HGS: variants seen among roughly 807,000 people sequenced by gnomAD.
HGS encodes hepatocyte growth factor-regulated tyrosine kinase substrate.
In HGS, 63 loss-of-function variants were observed where a neutral mutation model predicts 109.7. The observed-to-expected ratio is 0.57, with a 90% CI of 0.47 to 0.71. HGS has a LOEUF of 0.71. Among genes scored for constraint, HGS ranks in the 30% least tolerant of loss-of-function variants. The pLI, the probability that HGS is intolerant of heterozygous loss-of-function variation, is 0.00. For synonymous variants in HGS, 546 were observed against 437.3 expected (o/e 1.25, Z -3.10); for missense variants, 995 against 1,068.3 (o/e 0.93, Z 0.96).
Position 81,691,298 on chromosome 17 carries a change from A to C in HGS, c.538-149A>C. On this transcript the variant is annotated intron_variant, in intron 7 of 21. Coordinates refer to ENST00000329138, the MANE Select transcript of HGS (RefSeq NM_004712.5). This position sits in a 1 kb window ranked among gnomAD's most constrained non-coding sequence, Gnocchi z 5.3. The stretch of plus-strand genomic sequence containing the variant: ...GAGCATGTCCAGGTTCCCCGGCCTT[A>C]GGGTCTTCCCAGGCACTTGTTCTGC... 6 of 934,538 alleles carry C rather than the reference A, an allele frequency of 6.4e-6. No individual in the cohort carries two copies. In the South Asian group the frequency reaches 8.9e-5, roughly 14 times the overall value. 57.9% of individuals were successfully genotyped at this position (934,538 alleles called of 1,614,324 possible).
At chr17:81,701,170 G>T in intron 21 of HGS, 39 bp downstream of exon 21, 1 of 1,548,076 alleles carries the variant, frequency 6.5e-7, no homozygotes, top group Non-Finnish European at 8.9e-7. Flanking sequence ...CACCCGCAGG[G>T]CACCCTCAGG....
chr17:81,693,736 A>G lies in HGS; in HGVS notation c.824A>G (p.Glu275Gly). Residue 275 changes from glutamate (E) to glycine (G), a missense_variant, in exon 10 of 22, where the codon GAG becomes GGG. Coordinates refer to ENST00000329138, the MANE Select transcript of HGS (RefSeq NM_004712.5). ...LALALSQSEAEEKERLRQKST... is the reference protein window; with the variant it reads ...LALALSQSEAGEKERLRQKST... ...CTGGCGCTGTCACAGTCAGAGGCGG[A>G]GGAGAAGGAGAGGCTGGTAAGCCGG... The G allele has an allele frequency of 6.4e-7, 1 of 1,553,806 alleles. No individual in the cohort carries two copies. The highest frequency in any genetic ancestry group is 8.7e-7 in the Non-Finnish European group (1 of 1,150,480).
intron 5 of HGS, among the ~76,000 whole-genome samples, 176 bp from the exon 6 acceptor site, chr17:81,690,005 AG>A (rs1598745348): frequency 6.6e-6 from 1 of 152,094 alleles, no homozygotes; most frequent in African/African-American, 2.4e-5. Context: ...CAGTGAGGAC[AG>A]AGGCCCCATG....
intron 5 of HGS, among the ~76,000 whole-genome samples, chr17:81,689,907 C>T (rs1357618492): frequency 2.0e-5 from 3 of 152,132 alleles, no homozygotes; most frequent in South Asian, 2.1e-4. Context: ...ACTCAGCAGG[C>T]GGGGCCACGC....
intron 1 of HGS, chr17:81,684,349 C>T (rs2036935564): frequency 5.6e-6 from 2 of 354,794 alleles, no homozygotes; most frequent in South Asian, 1.4e-4. Flanking sequence ...CAGGGGCGCT[C>T]GGCGACCTCG....
chr17:81,696,361 C>G lies in HGS; in HGVS notation c.1398C>G (p.Tyr466Ter). 1 of 1,581,534 alleles carries G rather than the reference C, an allele frequency of 6.3e-7. No individual in the cohort carries two copies. The highest frequency in any genetic ancestry group is 1.8e-5 in the Admixed American group (1 of 54,478). Residue 466 changes from tyrosine to a stop codon, truncating the protein, a stop_gained, in exon 16 of 22, where the codon TAC becomes TAG. Transcript: ENST00000329138. LOFTEE classifies it high-confidence loss of function. ...TGCTCTGTCATCTGCCCACAGTGTACTATGAGGGGCTGCAGGACAAGCTGG... is the reference window on the plus strand; with the variant it reads ...TGCTCTGTCATCTGCCCACAGTGTAGTATGAGGGGCTGCAGGACAAGCTGG... ...LLNQLDERRL[Y>*]YEGLQDKLAQ...
chr17:81,697,290 C>T (rs2037166572), intron 18 of HGS: 1 of 353,384 alleles, frequency 2.8e-6, no homozygotes, highest in East Asian at 4.9e-5. Context: ...CAGGCTCAGC[C>T]CTCATGGACT....
Position 81,696,933 on chromosome 17 carries a change from G to A in HGS, c.1817G>A (p.Gly606Asp), listed in dbSNP as rs554676620. ...AGSVEGSPMH[G>D]VYMSQPAPAA... ...TCGGTGGAGGGCTCCCCAATGCACG[G>A]CGTGTACATGAGCCAGCCGGCCCCT... The change falls in exon 18 of 22, where the codon GGC becomes GAC. Residue 606 changes from glycine to aspartate, a missense_variant. Transcript: ENST00000329138. The A allele has an allele frequency of 1.2e-6, 2 of 1,607,026 alleles. No homozygotes were observed. The highest frequency in any genetic ancestry group is 2.7e-5 in the African/African-American group (2 of 75,042).
chr17:81,699,598 G>C (rs762264988), intron 18 of HGS, among the ~76,000 whole-genome samples: 2 of 152,092 alleles, frequency 1.3e-5, no homozygotes, highest in Non-Finnish European at 2.9e-5. Context: ...GCTAGTTTTT[G>C]TATTTTTATT....
chr17:81,699,165 C>G (rs923585664), intron 18 of HGS, among the ~76,000 whole-genome samples: 1 of 152,142 alleles, frequency 6.6e-6, no homozygotes, highest in Non-Finnish European at 1.5e-5. Flanking sequence ...CTCAATTGCT[C>G]AGCCCTAGAA....
At chr17:81,699,930 C>T (rs926224774) in intron 18 of HGS, among the ~76,000 whole-genome samples, 2 of 150,868 alleles carry the variant, frequency 1.3e-5, no homozygotes, top group African/African-American at 4.9e-5. Flanking sequence ...AAAAACTTAG[C>T]TGGGTGTGGT....
intron 11 of HGS, 100 bp downstream of exon 11, chr17:81,694,065 C>A: frequency 1.0e-6 from 1 of 1,004,374 alleles, no homozygotes. Context: ...GTGGGGGATG[C>A]GGGTCCCCGG....
At position 81,691,114 on chromosome 17, in the gene HGS, C is replaced by T; in HGVS notation, c.538-333C>T. On this transcript the variant is annotated intron_variant, in intron 7 of 21. Coordinates refer to ENST00000329138, the MANE Select transcript of HGS (RefSeq NM_004712.5). This position sits in a 1 kb window ranked among gnomAD's most constrained non-coding sequence, Gnocchi z 5.3. ...TCAAAACCCCCTCCAGGCTGGCAAC[C>T]GGCAGTGCTTGGGGTTTGGGGTGTC... 1 of 418,354 alleles carries T rather than the reference C, an allele frequency of 2.4e-6. No homozygotes were observed. The highest frequency in any genetic ancestry group is 3.2e-5 in the South Asian group (1 of 30,820). 25.9% of individuals were successfully genotyped at this position (418,354 alleles called of 1,614,324 possible).
In HGS at chr17:81,696,702, C is replaced by T; in HGVS notation, c.1662C>T (p.Val554=). ...QMRLEQQKQT[V]QMRAQMPAFP... The stretch of plus-strand genomic sequence containing the variant: ...GGCTGGAGCAGCAGAAGCAGACGGT[C>T]CAGATGCGCGCGCAGATGCCCGCCT... Residue 554 remains valine (V), a synonymous_variant, in exon 17 of 22, where the codon GTC becomes GTT. Transcript: ENST00000329138. 3.7e-6 allele frequency: 6 copies of T among 1,610,778 alleles called. No homozygotes were observed. The highest frequency in any genetic ancestry group is 5.1e-6 in the Non-Finnish European group (6 of 1,179,180).
At chr17:81,688,976 G>T (rs1409076378) in intron 5 of HGS, 149 bp downstream of exon 5, 1 of 1,098,586 alleles carries the variant, frequency 9.1e-7, no homozygotes, top group Non-Finnish European at 1.3e-6. Flanking sequence ...AGGGAAGACC[G>T]TGCATGTGAG....
chr17:81,684,235 C>A, intron 1 of HGS, 132 bp downstream of exon 1: 1 of 866,010 alleles, frequency 1.2e-6, no homozygotes, highest in Non-Finnish European at 1.6e-6. Flanking sequence ...GCCCGCTGTC[C>A]TCCCGGGTTC....
intron 2 of HGS, 33 bp from the exon 3 acceptor site, chr17:81,686,279 T>G (rs1568211860): frequency 1.9e-6 from 3 of 1,587,454 alleles, no homozygotes; most frequent in Admixed American, 1.7e-5. Context: ...TTTTTCCCGT[T>G]TTTCTCTGCT....
At position 81,691,215 on chromosome 17, in the gene HGS, C is replaced by G; in HGVS notation, c.538-232C>G. 1.8e-6 allele frequency: 1 copy of G among 550,248 alleles called. No homozygotes were observed. The highest frequency in any genetic ancestry group is 3.3e-6 in the Non-Finnish European group (1 of 305,920). 34.1% of individuals were successfully genotyped at this position (550,248 alleles called of 1,614,324 possible). On this transcript the variant is annotated intron_variant, in intron 7 of 21. Coordinates refer to ENST00000329138, the MANE Select transcript of HGS (RefSeq NM_004712.5). The surrounding 1 kb of genome is among the most constrained non-coding windows in gnomAD (Gnocchi z 5.3). ...GAATTGATGTGTATTTTTTCCTTGC[C>G]CTTACTTTTAACTTACCTTATTTTC...
At chr17:81,690,285 G>C (rs546213104) in intron 6 of HGS, 51 bp downstream of exon 6, 5 of 1,575,758 alleles carry the variant, frequency 3.2e-6, no homozygotes, top group African/African-American at 2.7e-5. Flanking sequence ...CTCAGGAAGC[G>C]TGAAGGGGAG....
Sources: allele counts gnomAD v4.1 joint callset (sites outside exome capture counted in the v4.1 genomes callset), GRCh38; gene constraint gnomAD v4.1.1; non-coding constraint Gnocchi (gnomAD v3.1); transcripts MANE v1.5; gene names NCBI Gene and HGNC (gene_info 2026-07-23, HGNC 2026-07-21).